The following DYSF variants were observed in gnomAD, a reference collection of about 807,000 sequenced individuals.
DYSF encodes dystrophy-associated fer-1-like 1.
In DYSF, 212 loss-of-function variants were observed where a neutral mutation model predicts 274.9. The observed-to-expected ratio is 0.77, with a 90% CI of 0.69 to 0.86. The LOEUF is 0.86. Ranked by LOEUF, DYSF falls within the 40% of genes least tolerant of loss-of-function variation. The pLI is 0.00. For synonymous variants in DYSF, 1,091 were observed against 1,078.7 expected, an observed-to-expected ratio of 1.01 and a Z score of -0.22; for missense variants, 2,666 against 2,783.2, an observed-to-expected ratio of 0.96 and a Z score of 0.95.
chr2:71,681,169 C>T, intron 54 of DYSF, 59 bp downstream of exon 54: 1 of 1,509,322 alleles, frequency 6.6e-7, no homozygotes, highest in Admixed American at 1.8e-5. Flanking sequence ...GGCCACAGTC[C>T]AGGAGGCATC....
intron 3 of DYSF, among the ~76,000 whole-genome samples, chr2:71,490,379 G>C (rs886960924): frequency 2.0e-5 from 3 of 152,116 alleles, no homozygotes; most frequent in Non-Finnish European, 2.9e-5. Context: ...CGCTCTCGTT[G>C]CCCAGGCTGG....
intron 10 of DYSF, among the ~76,000 whole-genome samples, 167 bp downstream of exon 10, chr2:71,517,206 C>T (rs951458475): frequency 1.3e-5 from 2 of 152,192 alleles, no homozygotes; most frequent in African/African-American, 4.8e-5. Flanking sequence ...CCTTTCACCC[C>T]AGAAAACCTC....
At chr2:71,675,611 C>T (rs899113947) in intron 52 of DYSF, among the ~76,000 whole-genome samples, 9 of 152,172 alleles carry the variant, frequency 5.9e-5, no homozygotes, top group African/African-American at 2.2e-4. Context: ...ATAAAAGCAT[C>T]AGGTGCAAAA....
chr2:71,625,537 C>G (rs536517440), intron 41 of DYSF, among the ~76,000 whole-genome samples: 1 of 152,106 alleles, frequency 6.6e-6, no homozygotes, highest in African/African-American at 2.4e-5. Flanking sequence ...GTTTGTCTTT[C>G]TCTGGGCTAT....
rs2095070039 is a variant in DYSF at position 71,669,030 on chromosome 2, G to T, written c.5547-82G>T. 2.9e-5 allele frequency: 39 copies of T among 1,338,840 alleles called. 1 individual carries two copies. In the South Asian group the frequency reaches 4.9e-4, roughly 17 times the overall value. The allele number at this position is 1,338,840 out of a possible 1,614,324, so 82.9% of individuals were successfully genotyped here. On this transcript the variant is annotated intron_variant, in intron 49 of 55. Coordinates refer to ENST00000410020, the MANE Select transcript of DYSF (RefSeq NM_001130987.2). Reference sequence around the variant, plus strand: ...GCATCGAGTCCTCTTGGACCAGTCTGCTTCTTGGCTTCTTGGCTTCTTAAG... The same window carrying T: ...GCATCGAGTCCTCTTGGACCAGTCTTCTTCTTGGCTTCTTGGCTTCTTAAG...
Position 71,590,069 on chromosome 2 carries a change from G to C in DYSF, c.3497-142G>C, listed in dbSNP as rs942573594. ...AGCTGTGGTCTGTTCTCCTGACCTCGCACAGTGGCCTGTGTGGTTTCCCTC... is the reference window on the plus strand; with the variant it reads ...AGCTGTGGTCTGTTCTCCTGACCTCCCACAGTGGCCTGTGTGGTTTCCCTC... On this transcript the variant is annotated intron_variant, in intron 31 of 55. Transcript: ENST00000410020. The C allele has an allele frequency of 1.5e-5, 12 of 809,118 alleles. No homozygotes were observed. The Admixed American group carries it at 2.2e-4, about 15-fold the overall frequency. 50.1% of individuals were successfully genotyped at this position (809,118 alleles called of 1,614,324 possible).
At chr2:71,514,147 T>TAAAA (rs5832057) in intron 7 of DYSF, among the ~76,000 whole-genome samples, 6 of 125,180 alleles carry the variant, frequency 4.8e-5, no homozygotes, top group Non-Finnish European at 6.5e-5. Flanking sequence ...GTTTTGCGCT[T>TAAAA]AAAAAAAAAA....
chr2:71,544,906 G>C (rs2090344417), intron 17 of DYSF, among the ~76,000 whole-genome samples: 1 of 152,198 alleles, frequency 6.6e-6, no homozygotes, highest in Non-Finnish European at 1.5e-5. Flanking sequence ...TGGGCATAGA[G>C]GGTTGAACAA....
chr2:71,652,676 A>G lies in DYSF; in HGVS notation c.4627-3486A>G, dbSNP rs1429475744. Among the ~76,000 whole-genome samples, 3 of 152,228 alleles carry G rather than the reference A, an allele frequency of 2.0e-5. No individual in the cohort carries two copies. In the East Asian group the frequency reaches 5.8e-4, roughly 29 times the overall value. ...TGCAAGCCTAACAAAAATTCCAAAGAAACATTTTGTTGAGAATGGAACTTA... is the reference window on the plus strand; with the variant it reads ...TGCAAGCCTAACAAAAATTCCAAAGGAACATTTTGTTGAGAATGGAACTTA... On this transcript the variant is annotated intron_variant, in intron 42 of 55. Transcript: ENST00000410020.
At chr2:71,538,063 G>A (rs762373875) in intron 16 of DYSF, among the ~76,000 whole-genome samples, 4 of 152,202 alleles carry the variant, frequency 2.6e-5, no homozygotes, top group South Asian at 2.1e-4. Context: ...TGGTCTCCAC[G>A]TCAGCATATC....
intron 36 of DYSF, among the ~76,000 whole-genome samples, chr2:71,607,622 G>A (rs1415230796): frequency 1.3e-5 from 2 of 152,190 alleles, no homozygotes; most frequent in East Asian, 3.9e-4. Flanking sequence ...AGAGAGGGTA[G>A]TGGCTTGCAC....
chr2:71,478,693 G>T (rs2082619802), intron 1 of DYSF, among the ~76,000 whole-genome samples: 1 of 152,132 alleles, frequency 6.6e-6, no homozygotes, highest in Admixed American at 6.5e-5. Context: ...TCTCCCTGGA[G>T]GGAGGTTTAT....
Position 71,503,260 on chromosome 2 carries a change from C to A in DYSF, c.286C>A (p.Pro96Thr), listed in dbSNP as rs1302059563. ...KVPLREVLAT[P>T]SLSASFNAPL... is the part of the protein sequence containing the mutation. ...CCCACTCCGAGAGGTCCTCGCCACC[C>A]CTAGTCTGTCCGCCAGCTTCAATGC... The change falls in exon 4 of 56, where the codon CCT becomes ACT. Residue 96 changes from proline to threonine, a missense_variant. Physicochemically the swap from Pro to Thr is conservative, Grantham distance 38. This residue lies in a region of DYSF where 794 missense variants were observed against 777.1 expected (regional missense o/e 1.02). Coordinates refer to ENST00000410020, the MANE Select transcript of DYSF (RefSeq NM_001130987.2). 6 of 1,614,140 alleles carry A rather than the reference C, an allele frequency of 3.7e-6. No homozygotes were observed. The East Asian group carries it at 1.3e-4, about 36-fold the overall frequency.
At chr2:71,517,819 T>G (rs1293280523) in intron 10 of DYSF, among the ~76,000 whole-genome samples, 2 of 152,336 alleles carry the variant, frequency 1.3e-5, no homozygotes, top group South Asian at 4.1e-4. Flanking sequence ...ACAGGGAAAG[T>G]GTAATATATT....
chr2:71,563,498 GCCT>G, intron 23 of DYSF, among the ~76,000 whole-genome samples: 1 of 152,312 alleles, frequency 6.6e-6, no homozygotes, highest in African/African-American at 2.4e-5. Context: ...GGGCTTAGGG[GCCT>G]CACAGTTTTG....
chr2:71,606,674 G>A (rs1331608135), intron 36 of DYSF, among the ~76,000 whole-genome samples: 3 of 152,210 alleles, frequency 2.0e-5, no homozygotes, highest in African/African-American at 7.2e-5. Context: ...GGTATGTGGG[G>A]AAAGGGTCAT....
intron 1 of DYSF, among the ~76,000 whole-genome samples, chr2:71,477,075 C>G (rs910004086): frequency 6.6e-6 from 1 of 151,992 alleles, no homozygotes; most frequent in African/African-American, 2.4e-5. Flanking sequence ...GTTACTCCCC[C>G]AAAACTCTGG....
chr2:71,665,354 C>T (rs2094977919), intron 47 of DYSF, 50 bp downstream of exon 47: 1 of 1,612,456 alleles, frequency 6.2e-7, no homozygotes, highest in Admixed American at 1.7e-5. Flanking sequence ...CTGTATCCCT[C>T]CCTCTCTCAT....
intron 3 of DYSF, among the ~76,000 whole-genome samples, chr2:71,491,114 G>A (rs551247624): frequency 1.3e-5 from 2 of 152,074 alleles, no homozygotes; most frequent in Non-Finnish European, 2.9e-5. Context: ...CTAGTAGAAC[G>A]GACCAAAAAA....
Sources: allele counts gnomAD v4.1 joint callset (sites outside exome capture counted in the v4.1 genomes callset), GRCh38; gene constraint gnomAD v4.1.1; regional missense constraint gnomAD v4.1.1; transcripts MANE v1.5; gene names NCBI Gene and HGNC (gene_info 2026-07-23, HGNC 2026-07-21).